Variants in PLBD1 observed in about 807,000 individuals in gnomAD.
PLBD1 encodes the protein lysosomal leucine aminopeptidase.
PLBD1 carries 60 observed loss-of-function variants against 63.0 expected under a neutral mutation model. That is an observed-to-expected ratio of 0.95 (90% confidence interval 0.77 to 1.18). The LOEUF (loss-of-function observed/expected upper bound fraction) is 1.18. Among genes scored for constraint, PLBD1 ranks in the 50% most tolerant of loss-of-function variants. PLBD1 has a pLI of 0.00. For synonymous variants in PLBD1, 262 were observed against 248.0 expected (o/e 1.06, Z -0.53); for missense variants, 598 against 677.9 (o/e 0.88, Z 1.31).
chr12:14,542,919 C>T (rs942476940), intron 2 of PLBD1, among the ~76,000 whole-genome samples: 2 of 151,698 alleles, frequency 1.3e-5, no homozygotes, highest in Non-Finnish European at 2.9e-5. Context: ...TGGTGGCGGG[C>T]GCCTGTAGTC....
At chr12:14,547,180 T>TGTGTGTGTGTGTGTG in intron 2 of PLBD1, among the ~76,000 whole-genome samples, 1 of 138,218 alleles carries the variant, frequency 7.2e-6, no homozygotes, top group East Asian at 2.2e-4. Flanking sequence ...GCACCTGGCT[T>TGTGTGTGTGTGTGTG]TGTGTGTGTG....
At chr12:14,510,080 T>C (rs1390340778) in intron 8 of PLBD1, among the ~76,000 whole-genome samples, 1 of 152,158 alleles carries the variant, frequency 6.6e-6, no homozygotes, top group Non-Finnish European at 1.5e-5. Context: ...TTGATATTTC[T>C]GTAGCCTAAT....
intron 1 of PLBD1, 33 bp downstream of exon 1, chr12:14,567,549 G>A (rs1000224218): frequency 6.1e-6 from 9 of 1,466,380 alleles, no homozygotes; most frequent in South Asian, 1.3e-5. Context: ...GAGCCTCCCC[G>A]GGCGCCCCCC....
intron 6 of PLBD1, among the ~76,000 whole-genome samples, chr12:14,522,112 A>G (rs959439313): frequency 6.6e-6 from 1 of 152,192 alleles, no homozygotes; most frequent in African/African-American, 2.4e-5. Context: ...ATGAGACACC[A>G]TTAAGTGAAC....
At chr12:14,537,958 T>C (rs1945532915) in intron 4 of PLBD1, among the ~76,000 whole-genome samples, 1 of 152,154 alleles carries the variant, frequency 6.6e-6, no homozygotes, top group African/African-American at 2.4e-5. Flanking sequence ...TTTTTGCATA[T>C]ACTGCCAGAG....
chr12:14,541,976 A>G (rs1404586652), intron 3 of PLBD1, among the ~76,000 whole-genome samples: 1 of 152,174 alleles, frequency 6.6e-6, no homozygotes, highest in Non-Finnish European at 1.5e-5. Context: ...CGTGTTAGCA[A>G]TTGAGTATGC....
intron 6 of PLBD1, among the ~76,000 whole-genome samples, chr12:14,517,638 C>T (rs1255091149): frequency 6.6e-6 from 1 of 152,142 alleles, no homozygotes; most frequent in Non-Finnish European, 1.5e-5. Context: ...ACAAAATACC[C>T]TCCTTGAGGC....
At position 14,503,670 on chromosome 12, in the gene PLBD1, C is replaced by T. The variant is rs1271488265; in HGVS notation, c.*102G>A. The T allele has an allele frequency of 1.7e-6, 2 of 1,182,856 alleles. No individual in the cohort carries two copies. Among genetic ancestry groups the T allele is most frequent in the African/African-American group, 1.6e-5 (1 of 64,284 alleles). 73.3% of individuals were successfully genotyped at this position (1,182,856 alleles called of 1,614,324 possible). A position where few individuals can be genotyped will look rare whatever the true frequency, so the allele number is the denominator to read the frequency against. On this transcript the variant is annotated 3_prime_UTR_variant, in exon 11 of 11. Coordinates refer to ENST00000240617, the MANE Select transcript of PLBD1 (RefSeq NM_024829.6). ...CAAAGTCAGTGGGAAATGAAAGTGA[C>T]AAATTAATATATTTTATTGCATAAT...
intron 2 of PLBD1, 138 bp downstream of exon 2, chr12:14,553,055 A>C (rs1438376321): frequency 4.9e-6 from 4 of 814,990 alleles, no homozygotes; most frequent in Non-Finnish European, 7.8e-6. Context: ...TGCAATTCTG[A>C]TAATGTCTCT....
chr12:14,561,893 C>G (rs1326254388), intron 1 of PLBD1, among the ~76,000 whole-genome samples: 1 of 152,170 alleles, frequency 6.6e-6, no homozygotes, highest in Non-Finnish European at 1.5e-5. Context: ...GAAGGTCACA[C>G]CTGGTGACAG....
intron 1 of PLBD1, among the ~76,000 whole-genome samples, chr12:14,561,499 T>G (rs1206649701): frequency 6.6e-6 from 1 of 152,164 alleles, no homozygotes; most frequent in Non-Finnish European, 1.5e-5. Flanking sequence ...TTTCATTGTA[T>G]CCACTCCCTT....
chr12:14,507,145 GGAGGGATT>G, intron 8 of PLBD1, 27 bp from the exon 9 acceptor site: 10 of 1,524,918 alleles, frequency 6.6e-6, no homozygotes, highest in Non-Finnish European at 9.0e-6. Flanking sequence ...GGGAAGTAAG[GGAGGGATT>G]GACAGGGAAG....
intron 10 of PLBD1, among the ~76,000 whole-genome samples, chr12:14,504,381 T>G (rs1241972366): frequency 6.6e-6 from 1 of 152,238 alleles, no homozygotes; most frequent in Non-Finnish European, 1.5e-5. Context: ...TCTTGCCATT[T>G]TTCACATTGT....
chr12:14,506,205 A>G lies in PLBD1; in HGVS notation c.1436T>C (p.Leu479Pro), dbSNP rs1945254092. ...TCCAGGACTTGGGTTAGGTGAGTTC[A>G]GGTCCTCACGGCAGCAGATGGTATT... is the stretch of plus-strand genomic sequence containing the variant. Reference protein sequence around the residue: ...PCNTICCREDLNSPNPSPGGC... With the variant: ...PCNTICCREDPNSPNPSPGGC... The change falls in exon 10 of 11, where the codon CTG (leucine) becomes CCG (proline). Residue 479 changes from leucine to proline, a missense_variant. Coordinates refer to ENST00000240617, the MANE Select transcript of PLBD1 (RefSeq NM_024829.6). 6.2e-7 allele frequency: 1 copy of G among 1,613,066 alleles called. No homozygotes were observed. The highest frequency in any genetic ancestry group is 1.3e-5 in the African/African-American group (1 of 74,902).
At chr12:14,511,152 C>T in intron 8 of PLBD1, 108 bp downstream of exon 8, 2 of 1,098,128 alleles carry the variant, frequency 1.8e-6, no homozygotes, top group Non-Finnish European at 1.3e-6. Flanking sequence ...TCCTGTCTTC[C>T]CCACCATACC....
At chr12:14,562,459 C>CAAAA (rs58838197) in intron 1 of PLBD1, among the ~76,000 whole-genome samples, 3 of 101,986 alleles carry the variant, frequency 2.9e-5, no homozygotes, top group Non-Finnish European at 5.5e-5. Flanking sequence ...GACTCCCTCT[C>CAAAA]AAAAAAAAAA....
chr12:14,556,865 T>TCAA, intron 1 of PLBD1, among the ~76,000 whole-genome samples: 1 of 151,186 alleles, frequency 6.6e-6, no homozygotes, highest in East Asian at 2.0e-4. Flanking sequence ...AAGCCTGTAA[T>TCAA]TCCAACTACT....
At chr12:14,542,042 C>T (rs1346459695) in intron 3 of PLBD1, among the ~76,000 whole-genome samples, 166 bp downstream of exon 3, 1 of 152,136 alleles carries the variant, frequency 6.6e-6, no homozygotes, top group Non-Finnish European at 1.5e-5. Context: ...TGTCTGCAAC[C>T]ACTTTTCATG....
intron 8 of PLBD1, among the ~76,000 whole-genome samples, chr12:14,509,031 A>G (rs1344559): frequency 0.32 from 47,408 of 147,290 alleles, 8,559 homozygotes; most frequent in East Asian, 0.62. Context: ...TGGCTATATG[A>G]TATCATGTAT....
Sources: allele counts gnomAD v4.1 joint callset (sites outside exome capture counted in the v4.1 genomes callset), GRCh38; gene constraint gnomAD v4.1.1; transcripts MANE v1.5; gene names NCBI Gene and HGNC (gene_info 2026-07-23, HGNC 2026-07-21).